WDFY4: variants seen among roughly 807,000 people sequenced by gnomAD.
The protein encoded by WDFY4 is WDFY family member 4.
Under a neutral mutation model 351.9 loss-of-function variants are expected in WDFY4, and 169 were observed. That is an observed-to-expected ratio of 0.48 (90% CI 0.42 to 0.55). WDFY4 has a LOEUF of 0.55. WDFY4 is among the 20% of genes least tolerant of loss of function. The pLI is 0.00. For synonymous variants in WDFY4, 1,622 were observed against 1,574.6 expected, an observed-to-expected ratio of 1.03 and a Z score of -0.71; for missense variants, 3,803 against 3,935.6, an observed-to-expected ratio of 0.97 and a Z score of 0.90.
chr10:48,847,699 G>C (rs1414004114), intron 39 of WDFY4, among the ~76,000 whole-genome samples: 2 of 152,220 alleles, frequency 1.3e-5, no homozygotes, highest in Admixed American at 1.3e-4. Flanking sequence ...GCAGAGAGGA[G>C]AGAAGATGGC....
intron 1 of WDFY4, among the ~76,000 whole-genome samples, chr10:48,708,009 T>A (rs2063677545): frequency 6.6e-6 from 1 of 152,182 alleles, no homozygotes; most frequent in Admixed American, 6.5e-5. Flanking sequence ...TAAATAAAGT[T>A]TGCTTCAACA....
chr10:48,970,423 T>G, intron 57 of WDFY4, 134 bp downstream of exon 57: 1 of 1,244,808 alleles, frequency 8.0e-7, no homozygotes, highest in Non-Finnish European at 1.1e-6. Context: ...CTGAGGGCCC[T>G]GCCACCCTCA....
At chr10:48,717,185 AT>A (rs1226453318) in intron 2 of WDFY4, among the ~76,000 whole-genome samples, 1 of 152,216 alleles carries the variant, frequency 6.6e-6, no homozygotes, top group African/African-American at 2.4e-5. Context: ...AGTGTTTGGC[AT>A]GGCACTGAGG....
chr10:48,753,550 G>A (rs949378497), intron 12 of WDFY4, among the ~76,000 whole-genome samples: 1 of 152,176 alleles, frequency 6.6e-6, no homozygotes, highest in African/African-American at 2.4e-5. Context: ...ATATGGCAAG[G>A]GGTCAGGGTT....
intron 37 of WDFY4, 120 bp from the exon 38 acceptor site, chr10:48,830,580 A>G: frequency 2.7e-6 from 3 of 1,109,848 alleles, no homozygotes; most frequent in East Asian, 2.6e-5. Flanking sequence ...AGCTGGGGTG[A>G]TGTTCAAGAC....
chr10:48,716,056 G>A (rs1175373488), intron 2 of WDFY4, among the ~76,000 whole-genome samples: 1 of 151,994 alleles, frequency 6.6e-6, no homozygotes, highest in Non-Finnish European at 1.5e-5. Context: ...CTGCAACATG[G>A]TTTATTCCCA....
chr10:48,687,448 T>C (rs528309416), intron 1 of WDFY4, among the ~76,000 whole-genome samples: 5 of 152,240 alleles, frequency 3.3e-5, no homozygotes, highest in African/African-American at 1.2e-4. Context: ...TATTCTCATA[T>C]TATTTTCAAA....
chr10:48,824,823 T>C (rs1443539197), intron 35 of WDFY4, among the ~76,000 whole-genome samples: 1 of 152,172 alleles, frequency 6.6e-6, no homozygotes, highest in Non-Finnish European at 1.5e-5. Flanking sequence ...TTTAACTTTT[T>C]GGAAAGATAG....
intron 1 of WDFY4, among the ~76,000 whole-genome samples, chr10:48,702,271 C>T (rs2063499908): frequency 1.3e-5 from 2 of 152,200 alleles, no homozygotes; most frequent in South Asian, 2.1e-4. Flanking sequence ...CTCAGAACTG[C>T]TACTAAATAG....
At chr10:48,800,672 T>C (rs554829733) in intron 24 of WDFY4, among the ~76,000 whole-genome samples, 1 of 48,796 alleles carries the variant, frequency 2.0e-5, no homozygotes, top group East Asian at 1.8e-3. Flanking sequence ...AGGTTTTGGT[T>C]TCTTTCTTTC....
At chr10:48,931,193 T>C (rs1008595294) in intron 47 of WDFY4, among the ~76,000 whole-genome samples, 12 of 152,244 alleles carry the variant, frequency 7.9e-5, no homozygotes, top group African/African-American at 2.6e-4. Flanking sequence ...TGGAGCTAGA[T>C]TTGCCTTTGG....
chr10:48,914,328 A>G (rs763864759), intron 47 of WDFY4: 1 of 704,082 alleles, frequency 1.4e-6, no homozygotes, highest in Non-Finnish European at 2.3e-6. Flanking sequence ...TTTAAAAAGC[A>G]AGAAAGAGGA....
chr10:48,938,817 C>A (rs1840571503), intron 47 of WDFY4, among the ~76,000 whole-genome samples: 1 of 152,206 alleles, frequency 6.6e-6, no homozygotes, highest in African/African-American at 2.4e-5. Context: ...CGTCCTGATT[C>A]AGAGATAATC....
At chr10:48,964,123 T>C (rs527388089) in intron 54 of WDFY4, 69 bp downstream of exon 54, 102 of 1,502,372 alleles carry the variant, frequency 6.8e-5, no homozygotes, top group Admixed American at 4.7e-4. Context: ...CATTCTCTCC[T>C]GGGGTGAAAG....
chr10:48,696,532 C>G (rs2063335931), intron 1 of WDFY4, among the ~76,000 whole-genome samples: 1 of 152,250 alleles, frequency 6.6e-6, no homozygotes, highest in Non-Finnish European at 1.5e-5. Flanking sequence ...ACGGCCCTGT[C>G]CTGACATCCA....
Position 48,727,556 on chromosome 10 carries a change from C to T in WDFY4, c.868C>T (p.Leu290=). Residue 290 remains leucine (L), a synonymous_variant, in exon 7 of 62, where the codon CTG becomes TTG. Transcript: ENST00000325239. The part of the protein sequence containing the change: ...PAPEVSEAVS[L]ILGFVKDSYP... The stretch of plus-strand genomic sequence containing the variant: ...CCCTGAAGTGAGCGAGGCTGTAAGC[C>T]TGATCTTGGGATTCGTGAAGGACTC... 1 of 1,551,912 alleles carries T rather than the reference C, an allele frequency of 6.4e-7. No homozygotes were observed. The highest frequency in any genetic ancestry group is 8.7e-7 in the Non-Finnish European group (1 of 1,147,036).
In WDFY4 at chr10:48,832,568, C is replaced by T. The variant is rs1460411191; in HGVS notation, c.6527-5C>T. ...CTCTGACATTCTTTGCTTCCCTTCCCTCAGCATCTGAGAAGAAGTCACTGG... is the reference window on the plus strand; with the variant it reads ...CTCTGACATTCTTTGCTTCCCTTCCTTCAGCATCTGAGAAGAAGTCACTGG... On this transcript the variant is annotated splice_region_variant and splice_polypyrimidine_tract_variant and intron_variant, in intron 38 of 61. Coordinates refer to ENST00000325239, the MANE Select transcript of WDFY4 (RefSeq NM_001394531.1). The T allele has an allele frequency of 1.9e-6, 3 of 1,541,330 alleles. No individual in the cohort carries two copies. Among genetic ancestry groups the T allele is most frequent in the Admixed American group, 2.0e-5 (1 of 49,916 alleles).
intron 39 of WDFY4, among the ~76,000 whole-genome samples, chr10:48,839,627 G>A (rs1286854889): frequency 6.6e-6 from 1 of 152,168 alleles, no homozygotes; most frequent in African/African-American, 2.4e-5. Context: ...AAAGCAGGCT[G>A]GAGGGATAAA....
intron 30 of WDFY4, among the ~76,000 whole-genome samples, chr10:48,812,017 C>T (rs1036182446): frequency 3.3e-5 from 5 of 152,080 alleles, no homozygotes; most frequent in Non-Finnish European, 5.9e-5. Flanking sequence ...TGGGGTGGCC[C>T]TGCCCCAGCA....
Sources: gnomAD v4.1 joint callset for allele counts (sites outside exome capture counted in the v4.1 genomes callset) on GRCh38, gnomAD v4.1.1 for gene constraint, MANE v1.5 for transcripts, NCBI Gene and HGNC (gene_info 2026-07-23, HGNC 2026-07-21) for gene names.